CHCHD6: variants seen among roughly 807,000 people sequenced by gnomAD.
The protein encoded by CHCHD6 is coiled-coil-helix-coiled-coil-helix domain containing 6.
CHCHD6 carries 28 observed loss-of-function variants against 32.3 expected under a neutral mutation model. The observed-to-expected ratio is 0.87, with a 90% CI of 0.64 to 1.19. The LOEUF is 1.19. CHCHD6 is among the 50% of genes most tolerant of loss of function. CHCHD6 has a pLI of 0.00. For synonymous variants in CHCHD6, 122 were observed against 117.5 expected, an observed-to-expected ratio of 1.04 and a Z score of -0.25; for missense variants, 333 against 307.0, an observed-to-expected ratio of 1.08 and a Z score of -0.63.
intron 7 of CHCHD6, among the ~76,000 whole-genome samples, chr3:126,958,223 C>T (rs1395374317): frequency 6.6e-6 from 1 of 151,850 alleles, no homozygotes; most frequent in African/African-American, 2.4e-5. Context: ...CCCGTAGCGT[C>T]CTCTGGTGCA....
intron 4 of CHCHD6, among the ~76,000 whole-genome samples, chr3:126,832,195 G>A (rs935810529): frequency 6.6e-5 from 10 of 152,178 alleles, no homozygotes; most frequent in Admixed American, 6.5e-4. Flanking sequence ...TCAGAATTGG[G>A]ATTCAAAACG....
intron 5 of CHCHD6, among the ~76,000 whole-genome samples, chr3:126,869,093 A>C (rs2077429474): frequency 6.6e-6 from 1 of 152,214 alleles, no homozygotes; most frequent in African/African-American, 2.4e-5. Context: ...TATGGCTCCT[A>C]ATCTCCAGAA....
At chr3:126,823,684 G>T (rs532940843) in intron 4 of CHCHD6, among the ~76,000 whole-genome samples, 1 of 152,086 alleles carries the variant, frequency 6.6e-6, no homozygotes, top group South Asian at 2.1e-4. Flanking sequence ...TCTAAAGGTT[G>T]GAATTTTAAG....
chr3:126,774,023 T>C (rs1396877722), intron 4 of CHCHD6, among the ~76,000 whole-genome samples: 1 of 152,224 alleles, frequency 6.6e-6, no homozygotes, highest in Non-Finnish European at 1.5e-5. Context: ...TATAAAATGA[T>C]GATTTTATAT....
At chr3:126,945,318 C>G (rs1404911094) in intron 6 of CHCHD6, among the ~76,000 whole-genome samples, 2 of 151,974 alleles carry the variant, frequency 1.3e-5, no homozygotes, top group African/African-American at 4.8e-5. Context: ...GGGCGCCATC[C>G]TCTGGGGAGC....
At chr3:126,876,263 G>T (rs1336758508) in intron 5 of CHCHD6, among the ~76,000 whole-genome samples, 1 of 152,244 alleles carries the variant, frequency 6.6e-6, no homozygotes, top group African/African-American at 2.4e-5. Context: ...TGTTACTGGT[G>T]TGGGTGGTGT....
intron 4 of CHCHD6, among the ~76,000 whole-genome samples, chr3:126,747,784 A>G (rs1010236446): frequency 6.6e-6 from 1 of 152,136 alleles, no homozygotes; most frequent in Non-Finnish European, 1.5e-5. Context: ...GACTTCCTCC[A>G]TGCCCATGTT....
chr3:126,748,756 T>C (rs1035738233), intron 4 of CHCHD6, among the ~76,000 whole-genome samples: 1 of 152,208 alleles, frequency 6.6e-6, no homozygotes, highest in African/African-American at 2.4e-5. Flanking sequence ...TTAGCTATCC[T>C]GCCCCCTTTC....
intron 5 of CHCHD6, among the ~76,000 whole-genome samples, chr3:126,880,914 T>C (rs570286677): frequency 6.6e-6 from 1 of 152,346 alleles, no homozygotes; most frequent in South Asian, 2.1e-4. Context: ...AGGTGGAGGC[T>C]GGAACATGGA....
intron 5 of CHCHD6, among the ~76,000 whole-genome samples, chr3:126,903,449 A>T (rs2077960157): frequency 2.0e-5 from 3 of 152,194 alleles, no homozygotes; most frequent in Admixed American, 1.3e-4. Context: ...GTAGCAATCC[A>T]CACCATCAAG....
At chr3:126,816,091 T>TCCTCCC (rs1939884249) in intron 4 of CHCHD6, among the ~76,000 whole-genome samples, 2 of 152,080 alleles carry the variant, frequency 1.3e-5, no homozygotes, top group Non-Finnish European at 2.9e-5. Context: ...TTCCTCCCTG[T>TCCTCCC]CCTCCCCCTC....
At chr3:126,910,414 CG>C (rs1182074712) in intron 5 of CHCHD6, among the ~76,000 whole-genome samples, 1 of 152,224 alleles carries the variant, frequency 6.6e-6, no homozygotes, top group African/African-American at 2.4e-5. Flanking sequence ...CCCTCCTGGC[CG>C]TTGCCCTGTG....
At chr3:126,896,909 C>T (rs2077848900) in intron 5 of CHCHD6, among the ~76,000 whole-genome samples, 1 of 152,170 alleles carries the variant, frequency 6.6e-6, no homozygotes. Flanking sequence ...TTTCCCAGGC[C>T]CTTGCTTTCC....
At chr3:126,930,506 T>C (rs935293038) in intron 6 of CHCHD6, among the ~76,000 whole-genome samples, 1 of 152,234 alleles carries the variant, frequency 6.6e-6, no homozygotes, top group African/African-American at 2.4e-5. Context: ...CACAAAGACT[T>C]TCCACACTGT....
chr3:126,904,816 G>A (rs2077982236), intron 5 of CHCHD6, among the ~76,000 whole-genome samples: 1 of 152,206 alleles, frequency 6.6e-6, no homozygotes, highest in Non-Finnish European at 1.5e-5. Flanking sequence ...CTAATTAGCA[G>A]TTCACACTGT....
At chr3:126,908,821 C>A (rs897597794) in intron 5 of CHCHD6, among the ~76,000 whole-genome samples, 2 of 152,218 alleles carry the variant, frequency 1.3e-5, no homozygotes, top group Non-Finnish European at 2.9e-5. Context: ...ATTCGATTCC[C>A]ACAAAACTGC....
chr3:126,802,645 A>G (rs1302527338), intron 4 of CHCHD6, among the ~76,000 whole-genome samples: 1 of 152,242 alleles, frequency 6.6e-6, no homozygotes, highest in African/African-American at 2.4e-5. Context: ...ACTCTGCAGG[A>G]TATTATCCAG....
At chr3:126,837,161 T>G (rs1940894002) in intron 4 of CHCHD6, among the ~76,000 whole-genome samples, 1 of 152,168 alleles carries the variant, frequency 6.6e-6, no homozygotes, top group Non-Finnish European at 1.5e-5. Context: ...AGGTAAGATC[T>G]TATTACACCA....
intron 6 of CHCHD6, among the ~76,000 whole-genome samples, chr3:126,923,888 T>C (rs1295893535): frequency 6.6e-6 from 1 of 152,158 alleles, no homozygotes; most frequent in Non-Finnish European, 1.5e-5. Flanking sequence ...CCTAGGTGCA[T>C]AGAGTGTATC....
Sources: allele counts gnomAD v4.1 joint callset (sites outside exome capture counted in the v4.1 genomes callset), GRCh38; gene constraint gnomAD v4.1.1; transcripts MANE v1.5; gene names NCBI Gene and HGNC (gene_info 2026-07-23, HGNC 2026-07-21).